REDIC1: variants seen among roughly 807,000 people sequenced by gnomAD.
REDIC1 encodes regulator of DNA class I crossover intermediates 1.
the REDIC1 span, among the ~76,000 whole-genome samples, chr12:39,725,240 A>C: frequency 1.3e-5 from 2 of 152,176 alleles, no homozygotes; most frequent in Non-Finnish European, 2.9e-5. Context: ...AATAATTGTC[A>C]TTCCAAAATT....
At chr12:39,680,637 G>C in the REDIC1 span, among the ~76,000 whole-genome samples, 1 of 152,100 alleles carries the variant, frequency 6.6e-6, no homozygotes. Context: ...TTTCTACCCA[G>C]AGGAAAATCA....
the REDIC1 span, among the ~76,000 whole-genome samples, chr12:39,811,793 T>A: frequency 4.6e-3 from 707 of 152,314 alleles, 7 homozygotes; most frequent in African/African-American, 0.016. Context: ...TAGCTTTATA[T>A]GATTAGTGTT....
chr12:39,685,002 T>G, the REDIC1 span: 1 of 1,019,610 alleles, frequency 9.8e-7, no homozygotes, highest in Non-Finnish European at 1.5e-6. Flanking sequence ...TATTTAACGT[T>G]CACTTTGATT....
chr12:39,825,103 C>T, the REDIC1 span, among the ~76,000 whole-genome samples: 1 of 152,108 alleles, frequency 6.6e-6, no homozygotes, highest in African/African-American at 2.4e-5. Flanking sequence ...AATAGGGAAT[C>T]TATCTAGCTA....
chr12:39,787,468 T>C, the REDIC1 span, among the ~76,000 whole-genome samples: 1 of 152,176 alleles, frequency 6.6e-6, no homozygotes, highest in African/African-American at 2.4e-5. Context: ...AGAAATCCTT[T>C]ATCGGGATTT....
chr12:39,904,423 CT>C, the REDIC1 span, among the ~76,000 whole-genome samples: 1 of 152,064 alleles, frequency 6.6e-6, no homozygotes, highest in Admixed American at 6.6e-5. Flanking sequence ...AAAAGCAAAC[CT>C]TGTGAGCAGG....
the REDIC1 span, chr12:39,683,501 A>G: frequency 1.3e-6 from 2 of 1,529,256 alleles, no homozygotes; most frequent in South Asian, 2.3e-5. Flanking sequence ...TTTTAGGTAA[A>G]TCTGGGGAAT....
the REDIC1 span, among the ~76,000 whole-genome samples, chr12:39,801,602 A>G: frequency 6.6e-6 from 1 of 152,196 alleles, no homozygotes; most frequent in Non-Finnish European, 1.5e-5. Context: ...AATTCACCCA[A>G]TGTACTAGTC....
At chr12:39,844,446 T>G in the REDIC1 span, among the ~76,000 whole-genome samples, 1 of 152,082 alleles carries the variant, frequency 6.6e-6, no homozygotes, top group South Asian at 2.1e-4. Flanking sequence ...CTTCCATACC[T>G]AGTAGCATAC....
At chr12:39,706,612 T>C in the REDIC1 span, among the ~76,000 whole-genome samples, 2 of 151,452 alleles carry the variant, frequency 1.3e-5, no homozygotes, top group African/African-American at 4.8e-5. Flanking sequence ...CAAAACAGCA[T>C]GAGAACTATA....
chr12:39,669,240 G>A, the REDIC1 span, among the ~76,000 whole-genome samples: 1 of 152,136 alleles, frequency 6.6e-6, no homozygotes, highest in Non-Finnish European at 1.5e-5. Context: ...TGGTGTGGAT[G>A]TCCTTTCTGT....
chr12:39,802,060 T>C, the REDIC1 span, among the ~76,000 whole-genome samples: 2 of 152,124 alleles, frequency 1.3e-5, no homozygotes, highest in South Asian at 2.1e-4. Context: ...AAAAGTGATA[T>C]AATAGAGAAG....
At chr12:39,720,640 C>A in the REDIC1 span, 1 of 678,408 alleles carries the variant, frequency 1.5e-6, no homozygotes, top group East Asian at 2.7e-5. Flanking sequence ...TGATGATATA[C>A]CTGCTTTGAT....
the REDIC1 span, among the ~76,000 whole-genome samples, chr12:39,668,427 G>A: frequency 3.3e-5 from 5 of 152,290 alleles, no homozygotes; most frequent in South Asian, 6.2e-4. Flanking sequence ...AGTTTCTGCC[G>A]AGAGATCAGC....
the REDIC1 span, among the ~76,000 whole-genome samples, chr12:39,846,317 A>T: frequency 6.6e-6 from 1 of 152,266 alleles, no homozygotes; most frequent in East Asian, 1.9e-4. Flanking sequence ...GGACAATAGG[A>T]GCATCACATT....
the REDIC1 span, among the ~76,000 whole-genome samples, chr12:39,767,482 C>G: frequency 0.016 from 2,401 of 152,078 alleles, 58 homozygotes; most frequent in African/African-American, 0.052. Flanking sequence ...GCATTGGCTT[C>G]AACTTAAAAG....
At chr12:39,744,245 T>A in the REDIC1 span, among the ~76,000 whole-genome samples, 4 of 152,102 alleles carry the variant, frequency 2.6e-5, no homozygotes, top group African/African-American at 9.7e-5. Context: ...CCTTCAAAAG[T>A]AAAGGTGAAA....
the REDIC1 span, among the ~76,000 whole-genome samples, chr12:39,821,224 T>C: frequency 1.3e-5 from 2 of 152,026 alleles, no homozygotes; most frequent in Non-Finnish European, 2.9e-5. Flanking sequence ...CCATCCTGGC[T>C]AACACGGTGA....
the REDIC1 span, among the ~76,000 whole-genome samples, chr12:39,679,127 A>G: frequency 6.6e-5 from 10 of 152,138 alleles, no homozygotes; most frequent in Non-Finnish European, 1.0e-4. Flanking sequence ...CACCACTTCT[A>G]TTGTACGTAG....
Sources: allele counts gnomAD v4.1 joint callset (sites outside exome capture counted in the v4.1 genomes callset), GRCh38; gene constraint gnomAD v4.1.1; transcripts MANE v1.5; gene names NCBI Gene and HGNC (gene_info 2026-07-23, HGNC 2026-07-21).